Variants in CTBP2 observed in about 807,000 individuals in gnomAD.
The protein encoded by CTBP2 is C-terminal-binding protein 2.
In CTBP2, 30 loss-of-function variants were observed where a neutral mutation model predicts 80.3. That is an observed-to-expected ratio of 0.37 (90% CI 0.28 to 0.51). CTBP2 has a LOEUF of 0.51. CTBP2 is among the 20% of genes least tolerant of loss of function. The pLI, the probability that CTBP2 is intolerant of heterozygous loss-of-function variation, is 0.93. For synonymous variants in CTBP2, 594 were observed against 587.4 expected (o/e 1.01, Z -0.16); for missense variants, 1,212 against 1,375.3 (o/e 0.88, Z 1.88).
At chr10:125,040,663 AG>A (rs1461593678) in intron 2 of CTBP2, among the ~76,000 whole-genome samples, 1 of 151,466 alleles carries the variant, frequency 6.6e-6, no homozygotes, top group African/African-American at 2.4e-5. Context: ...AGAAAGAAAG[AG>A]GAGAGATAAA....
At chr10:125,086,978 T>C (rs1363772094) in intron 2 of CTBP2, among the ~76,000 whole-genome samples, 4 of 152,014 alleles carry the variant, frequency 2.6e-5, no homozygotes, top group Non-Finnish European at 5.9e-5. Flanking sequence ...ACACGATCTC[T>C]GAATGGATGG....
At chr10:125,147,657 G>A (rs1859029431) in intron 1 of CTBP2, among the ~76,000 whole-genome samples, 1 of 151,304 alleles carries the variant, frequency 6.6e-6, no homozygotes, top group South Asian at 2.1e-4. Flanking sequence ...AACACTTTTG[G>A]GAGGCCAAGG....
chr10:125,143,214 G>A (rs574901944), intron 1 of CTBP2, among the ~76,000 whole-genome samples: 21 of 152,262 alleles, frequency 1.4e-4, no homozygotes, highest in African/African-American at 4.6e-4. Flanking sequence ...CCGGCCGGGT[G>A]TGTTGGCTCA....
chr10:125,064,464 G>A (rs1260567973), intron 2 of CTBP2, among the ~76,000 whole-genome samples: 4 of 152,112 alleles, frequency 2.6e-5, no homozygotes, highest in African/African-American at 4.8e-5. Flanking sequence ...CAATGCTGAG[G>A]TCACCCATCG....
chr10:125,161,489 G>A (rs1861891260), upstream of CTBP2, among the ~76,000 whole-genome samples: 1 of 151,946 alleles, frequency 6.6e-6, no homozygotes, highest in South Asian at 2.1e-4. Flanking sequence ...CCCGGCCCCC[G>A]GGCTCCAACT....
At position 125,066,509 on chromosome 10, in the gene CTBP2, G is replaced by A. The variant is rs754509112; in HGVS notation, c.-101-27354C>T. Among the ~76,000 whole-genome samples, 9 of 152,194 alleles carry A rather than the reference G, an allele frequency of 5.9e-5. No homozygotes were observed. Among genetic ancestry groups the A allele is most frequent in the Non-Finnish European group, 8.8e-5 (6 of 68,036 alleles). On this transcript the variant is annotated intron_variant, in intron 2 of 10. Coordinates refer to the CTBP2 transcript ENST00000337195. The surrounding 1 kb of genome is among the most constrained non-coding windows in gnomAD (Gnocchi z 4.1). ...ACCCTAGAAAGTGCTGTCATGTTTC[G>A]TACAGGAGCCTGCTGGGGGTAGCTC...
intron 1 of CTBP2, among the ~76,000 whole-genome samples, chr10:125,012,350 G>A (rs781165735): frequency 6.6e-6 from 1 of 152,176 alleles, no homozygotes; most frequent in Non-Finnish European, 1.5e-5. Context: ...ACACGGGGAC[G>A]GTCCCTGCAG....
At chr10:124,994,823 A>G in intron 4 of CTBP2, 140 bp from the exon 7 acceptor site, 1 of 884,306 alleles carries the variant, frequency 1.1e-6, no homozygotes, top group Non-Finnish European at 1.8e-6. Flanking sequence ...CCCAAAGCTT[A>G]GTGAGGCCTG....
intron 1 of CTBP2, among the ~76,000 whole-genome samples, chr10:125,148,647 T>C (rs1859251324): frequency 6.6e-6 from 1 of 152,154 alleles, no homozygotes; most frequent in African/African-American, 2.4e-5. Context: ...TCTACGGACA[T>C]GAGAGCCTCA....
intron 2 of CTBP2, among the ~76,000 whole-genome samples, chr10:125,097,850 G>A (rs938452658): frequency 3.9e-5 from 6 of 152,122 alleles, no homozygotes; most frequent in African/African-American, 1.4e-4. Flanking sequence ...AGTGGCTCAC[G>A]CCTGTAATCC....
intron 1 of CTBP2, among the ~76,000 whole-genome samples, chr10:125,015,962 G>A (rs1281488230): frequency 6.6e-6 from 1 of 152,242 alleles, no homozygotes; most frequent in Non-Finnish European, 1.5e-5. Flanking sequence ...GCAACCCAGA[G>A]ATGGATGGCT....
At chr10:125,138,186 T>A (rs1591025157) in intron 1 of CTBP2, 1 of 152,210 alleles carries the variant, frequency 6.6e-6, no homozygotes, top group Middle Eastern at 3.4e-3. Flanking sequence ...ACTTGGCTGG[T>A]GTCCACAACG....
chr10:125,034,251 T>C (rs1958594211), intron 3 of CTBP2, among the ~76,000 whole-genome samples: 1 of 152,056 alleles, frequency 6.6e-6, no homozygotes, highest in Non-Finnish European at 1.5e-5. Context: ...ACAGGTGGGG[T>C]GAGGGGTTCC....
intron 1 of CTBP2, among the ~76,000 whole-genome samples, chr10:125,112,189 T>G (rs1852398644): frequency 6.8e-6 from 1 of 147,550 alleles, no homozygotes; most frequent in Non-Finnish European, 1.5e-5. Context: ...CTCGGCTCAC[T>G]GCAAGCTCCG....
chr10:125,037,624 T>C (rs1476341409), intron 3 of CTBP2, among the ~76,000 whole-genome samples: 1 of 152,194 alleles, frequency 6.6e-6, no homozygotes, highest in Non-Finnish European at 1.5e-5. Context: ...ACTAGAGAGA[T>C]GTAACAACTA....
intron 1 of CTBP2, among the ~76,000 whole-genome samples, chr10:125,132,518 TGGAGGA>T (rs760430674): frequency 6.6e-6 from 1 of 152,022 alleles, no homozygotes; most frequent in Non-Finnish European, 1.5e-5. Context: ...GGGGCGGAGT[TGGAGGA>T]GGAGGATTTC....
At chr10:125,064,640 G>A (rs988182581) in intron 2 of CTBP2, among the ~76,000 whole-genome samples, 18 of 152,284 alleles carry the variant, frequency 1.2e-4, no homozygotes, top group African/African-American at 3.9e-4. Flanking sequence ...ATGTTCTTCA[G>A]GACAACTTGA....
chr10:125,034,321 A>G (rs948986217), intron 3 of CTBP2, among the ~76,000 whole-genome samples: 8 of 152,212 alleles, frequency 5.3e-5, no homozygotes, highest in African/African-American at 1.9e-4. Context: ...AAGGCAAAAC[A>G]TGAAACTTTA....
intron 6 of CTBP2, among the ~76,000 whole-genome samples, 175 bp downstream of exon 8, chr10:124,993,680 C>T (rs1224762055): frequency 1.3e-5 from 2 of 152,228 alleles, no homozygotes; most frequent in African/African-American, 2.4e-5. Flanking sequence ...AACTTCCAGC[C>T]CTTTTACAAT....
Sources: gnomAD v4.1 joint callset for allele counts (sites outside exome capture counted in the v4.1 genomes callset) on GRCh38, gnomAD v4.1.1 for gene constraint, Gnocchi (gnomAD v3.1) non-coding constraint, MANE v1.5 for transcripts, NCBI Gene and HGNC (gene_info 2026-07-23, HGNC 2026-07-21) for gene names.